The following ITCH variants were observed in gnomAD, a reference collection of about 807,000 sequenced individuals.
ITCH encodes itchy E3 ubiquitin protein ligase.
A neutral mutation model predicts 126.8 loss-of-function variants in ITCH; 28 were observed. That is an observed-to-expected ratio of 0.22 (90% CI 0.16 to 0.30). The LOEUF is 0.30. Ranked by LOEUF, ITCH falls within the 10% of genes least tolerant of loss-of-function variation. The probability of loss-of-function intolerance (pLI) is 1.00; values close to 1 mark genes in which losing one functional copy is unlikely to be tolerated. For synonymous variants in ITCH, 342 were observed against 340.0 expected (o/e 1.01, Z -0.06); for missense variants, 631 against 1,032.4 (o/e 0.61, Z 5.33).
At chr20:34,396,484 G>A (rs1177650030) in intron 3 of ITCH, among the ~76,000 whole-genome samples, 1 of 151,948 alleles carries the variant, frequency 6.6e-6, no homozygotes, top group Non-Finnish European at 1.5e-5. Context: ...GTGTGTGCGC[G>A]CGTGCATATG....
chr20:34,367,048 A>G (rs2037447594), intron 1 of ITCH, among the ~76,000 whole-genome samples: 1 of 152,228 alleles, frequency 6.6e-6, no homozygotes, highest in Admixed American at 6.5e-5. Flanking sequence ...AAAAGAACCC[A>G]TTAGCAAGTC....
chr20:34,490,111 A>T (rs937013124), intron 22 of ITCH, among the ~76,000 whole-genome samples, 185 bp downstream of exon 22: 3 of 152,246 alleles, frequency 2.0e-5, no homozygotes, highest in African/African-American at 7.2e-5. Flanking sequence ...AGTAAGCCAC[A>T]CATACCTTGC....
intron 1 of ITCH, 96 bp from the exon 2 acceptor site, chr20:34,369,298 A>G (rs1314948771): frequency 1.2e-4 from 48 of 388,404 alleles, no homozygotes; most frequent in Non-Finnish European, 3.6e-5. Context: ...ATGCCACTGC[A>G]CTCTAGCCTG....
intron 10 of ITCH, among the ~76,000 whole-genome samples, chr20:34,442,701 C>A (rs990861959): frequency 2.6e-4 from 39 of 150,754 alleles, no homozygotes; most frequent in Non-Finnish European, 5.2e-4. Context: ...GGGCTGGGCG[C>A]AGTGGCTCAC....
intron 2 of ITCH, among the ~76,000 whole-genome samples, chr20:34,386,096 T>G (rs2038272943): frequency 7.8e-6 from 1 of 128,226 alleles, no homozygotes; most frequent in Non-Finnish European, 1.7e-5. Flanking sequence ...GGCTCCTTTG[T>G]TTTTTTTTTT....
chr20:34,495,645 C>T (rs943878286), intron 23 of ITCH, among the ~76,000 whole-genome samples: 4 of 152,020 alleles, frequency 2.6e-5, no homozygotes, highest in South Asian at 2.1e-4. Context: ...TGAAGTATTC[C>T]AGTTTGTTTA....
intron 20 of ITCH, 86 bp downstream of exon 20, chr20:34,481,292 CAAA>C: frequency 4.4e-6 from 6 of 1,353,182 alleles, no homozygotes; most frequent in Non-Finnish European, 6.3e-6. Flanking sequence ...AGAGTATCTC[CAAA>C]AATAGTATTT....
At chr20:34,397,449 T>G (rs2038717940) in intron 3 of ITCH, among the ~76,000 whole-genome samples, 1 of 152,248 alleles carries the variant, frequency 6.6e-6, no homozygotes, top group Admixed American at 6.5e-5. Context: ...TAGCATTTAT[T>G]GATTATAGAA....
chr20:34,480,110 G>A (rs1988599155), intron 18 of ITCH, among the ~76,000 whole-genome samples: 1 of 151,776 alleles, frequency 6.6e-6, no homozygotes, highest in African/African-American at 2.4e-5. Context: ...TGTTGGCCAG[G>A]CTGGTCTTGA....
intron 16 of ITCH, chr20:34,476,297 G>T: frequency 1.1e-6 from 1 of 911,166 alleles, no homozygotes; most frequent in Middle Eastern, 3.2e-4. Context: ...GAGCTGCTCC[G>T]CGCCCCTGCC....
chr20:34,506,965 C>A (rs1990655110), intron 24 of ITCH, among the ~76,000 whole-genome samples: 1 of 152,276 alleles, frequency 6.6e-6, no homozygotes, highest in South Asian at 2.1e-4. Context: ...TTTATACATT[C>A]ATCTGTCCAT....
chr20:34,378,319 A>G (rs1568862007), intron 2 of ITCH, among the ~76,000 whole-genome samples: 2 of 151,716 alleles, frequency 1.3e-5, no homozygotes, highest in East Asian at 1.9e-4. Flanking sequence ...AAAAATACCA[A>G]AAAATTAGCC....
At chr20:34,383,028 C>T (rs1242814268) in intron 2 of ITCH, among the ~76,000 whole-genome samples, 1 of 151,952 alleles carries the variant, frequency 6.6e-6, no homozygotes, top group Non-Finnish European at 1.5e-5. Context: ...AGCCATGAGC[C>T]ACCGCGCCCA....
intron 6 of ITCH, among the ~76,000 whole-genome samples, chr20:34,421,193 C>T (rs1427303591): frequency 6.6e-6 from 1 of 152,184 alleles, no homozygotes; most frequent in Non-Finnish European, 1.5e-5. Flanking sequence ...TAGCACACTG[C>T]ACCTTTGAAC....
At chr20:34,382,315 G>C (rs2038094437) in intron 2 of ITCH, among the ~76,000 whole-genome samples, 1 of 151,948 alleles carries the variant, frequency 6.6e-6, no homozygotes, top group Non-Finnish European at 1.5e-5. Context: ...AATGCTTTTT[G>C]GCTCCTTTTA....
At chr20:34,393,932 A>T in intron 3 of ITCH, 51 bp downstream of exon 3, 1 of 1,526,312 alleles carries the variant, frequency 6.6e-7, no homozygotes, top group Non-Finnish European at 9.1e-7. Flanking sequence ...CCGTATGATT[A>T]AAAAATAATC....
Position 34,489,173 on chromosome 20 carries a change from G to T in ITCH, c.2094-93G>T, listed in dbSNP as rs557438009. On this transcript the variant is annotated intron_variant, in intron 20 of 24. Transcript: ENST00000374864. Reference sequence around the variant, plus strand: ...TGTTCTATTTTTGAATATATTTTAAGTTTTTTATAATTTTTTAAAATTTAT... The same window carrying T: ...TGTTCTATTTTTGAATATATTTTAATTTTTTTATAATTTTTTAAAATTTAT... The T allele has an allele frequency of 1.2e-3, 1,366 of 1,102,614 alleles. 3 individuals carry two copies. Among genetic ancestry groups the T allele is most frequent in the Non-Finnish European group, 1.6e-3 (1,244 of 772,080 alleles). The allele number at this position is 1,102,614 out of a possible 1,614,324, so 68.3% of individuals were successfully genotyped here.
At chr20:34,497,417 T>G (rs989792937) in intron 23 of ITCH, among the ~76,000 whole-genome samples, 27 of 152,226 alleles carry the variant, frequency 1.8e-4, no homozygotes, top group Admixed American at 1.4e-3. Flanking sequence ...CCATGCTGTA[T>G]TGGTTACTAT....
chr20:34,503,556 TATTA>T (rs1990396241), intron 23 of ITCH, among the ~76,000 whole-genome samples: 1 of 152,226 alleles, frequency 6.6e-6, no homozygotes, highest in African/African-American at 2.4e-5. Flanking sequence ...CACAAAGTTT[TATTA>T]ATTCTGTATT....
Sources: allele counts gnomAD v4.1 joint callset (sites outside exome capture counted in the v4.1 genomes callset), GRCh38; gene constraint gnomAD v4.1.1; transcripts MANE v1.5; gene names NCBI Gene and HGNC (gene_info 2026-07-23, HGNC 2026-07-21).